Variants in PHIP observed in about 807,000 individuals in gnomAD.
PHIP encodes the protein PH-interacting protein.
A neutral mutation model predicts 236.8 loss-of-function variants in PHIP; 54 were observed. The observed-to-expected ratio is 0.23, with a 90% confidence interval of 0.18 to 0.29. The LOEUF is 0.29. Among genes scored for constraint, PHIP ranks in the 10% least tolerant of loss-of-function variants. The pLI is 1.00. For synonymous variants in PHIP, 756 were observed against 718.9 expected (o/e 1.05, Z -0.83); for missense variants, 1,370 against 2,190.8 (o/e 0.63, Z 7.48).
intron 16 of PHIP, 95 bp from the exon 17 acceptor site, chr6:79,002,219 G>A (rs2127731907): frequency 1.4e-6 from 1 of 735,744 alleles, no homozygotes; most frequent in East Asian, 2.7e-5. Context: ...GCAAACACCT[G>A]AATACGAATA....
intron 35 of PHIP, among the ~76,000 whole-genome samples, chr6:78,954,376 G>T (rs184141640): frequency 6.6e-5 from 10 of 152,210 alleles, no homozygotes; most frequent in Admixed American, 6.5e-4. Context: ...AAAGTGCTGG[G>T]ATTACTGGCA....
chr6:79,025,662 A>T (rs1383181445), intron 8 of PHIP, 43 bp from the exon 9 acceptor site: 1 of 1,228,812 alleles, frequency 8.1e-7, no homozygotes, highest in Non-Finnish European at 1.2e-6. Context: ...CAAGAGTGAC[A>T]CAGTCAAAAT....
chr6:79,026,793 C>A (rs1479880916), intron 7 of PHIP, among the ~76,000 whole-genome samples: 3 of 151,706 alleles, frequency 2.0e-5, no homozygotes, highest in Non-Finnish European at 2.9e-5. Flanking sequence ...TGAACATTCC[C>A]ATTTTATATA....
At chr6:78,962,686 C>A (rs555681440) in intron 30 of PHIP, among the ~76,000 whole-genome samples, 2 of 152,240 alleles carry the variant, frequency 1.3e-5, no homozygotes, top group East Asian at 3.9e-4. Flanking sequence ...CTCCTCTCCC[C>A]TTAAGAAGAT....
At position 78,946,308 on chromosome 6, in the gene PHIP, C is replaced by T. The variant is rs542459802; in HGVS notation, c.4371-48G>A. On this transcript the variant is annotated intron_variant, in intron 37 of 39. Coordinates refer to ENST00000275034, the MANE Select transcript of PHIP (RefSeq NM_017934.7). ...AGTCACTCTTATAGCTCTATGTGAA[C>T]GAATAAAACAGTTTATAATATTTTT... 1.3e-5 allele frequency: 20 copies of T among 1,519,824 alleles called. 1 individual carries two copies. The East Asian group carries it at 2.0e-4, about 16-fold the overall frequency. 94.1% of individuals were successfully genotyped at this position (1,519,824 alleles called of 1,614,324 possible).
chr6:79,011,263 T>G (rs1770559239), intron 15 of PHIP, among the ~76,000 whole-genome samples: 1 of 151,880 alleles, frequency 6.6e-6, no homozygotes, highest in South Asian at 2.1e-4. Context: ...ATACTCAAGT[T>G]ATGTAAGGAC....
chr6:78,983,922 TATTA>T (rs1226603578), intron 22 of PHIP, among the ~76,000 whole-genome samples: 3 of 152,182 alleles, frequency 2.0e-5, no homozygotes, highest in Non-Finnish European at 2.9e-5. Flanking sequence ...TTATCTTCTA[TATTA>T]ATTTTAGTAT....
chr6:78,960,216 T>C (rs1037276621), intron 31 of PHIP, among the ~76,000 whole-genome samples: 4 of 152,194 alleles, frequency 2.6e-5, no homozygotes, highest in Admixed American at 6.5e-5. Flanking sequence ...ACCTTATGTA[T>C]AGTATACTTT....
intron 35 of PHIP, among the ~76,000 whole-genome samples, chr6:78,953,603 G>A (rs1018193854): frequency 6.6e-6 from 1 of 152,098 alleles, no homozygotes; most frequent in Non-Finnish European, 1.5e-5. Flanking sequence ...TTATCACGCC[G>A]CTGGAATTAA....
At chr6:78,967,748 T>G (rs534191551) in intron 27 of PHIP, among the ~76,000 whole-genome samples, 2 of 152,334 alleles carry the variant, frequency 1.3e-5, no homozygotes, top group African/African-American at 4.8e-5. Flanking sequence ...CACATTACTT[T>G]GCCAAGGTTA....
At chr6:79,047,923 C>T (rs921496718) in intron 6 of PHIP, among the ~76,000 whole-genome samples, 2 of 151,552 alleles carry the variant, frequency 1.3e-5, no homozygotes, top group African/African-American at 4.8e-5. Flanking sequence ...CTATTTGTTC[C>T]AGCCTTTCCA....
At chr6:79,067,199 T>A (rs960386450) in intron 4 of PHIP, among the ~76,000 whole-genome samples, 2 of 152,194 alleles carry the variant, frequency 1.3e-5, no homozygotes, top group African/African-American at 2.4e-5. Flanking sequence ...CATCCCTTTT[T>A]GATGAACAAA....
chr6:78,994,163 A>G (rs1769455828), intron 19 of PHIP, among the ~76,000 whole-genome samples: 1 of 152,276 alleles, frequency 6.6e-6, no homozygotes, highest in South Asian at 2.1e-4. Flanking sequence ...CTGAAGTTGC[A>G]TAATAAAACT....
intron 24 of PHIP, among the ~76,000 whole-genome samples, chr6:78,974,622 C>A (rs1242895235): frequency 2.0e-5 from 3 of 152,190 alleles, no homozygotes; most frequent in African/African-American, 2.4e-5. Flanking sequence ...AATCGATAGA[C>A]CGCCAGCAAG....
chr6:78,935,607 A>C lies in PHIP; in HGVS notation c.*5086T>G. On this transcript the variant is annotated 3_prime_UTR_variant, in exon 40 of 40. Coordinates refer to ENST00000275034, the MANE Select transcript of PHIP (RefSeq NM_017934.7). ...TAAAATTGTTTTATTAAATGTACAC[A>C]TAAAAAGGCATATAAGTTTTTGACC... 4.1e-6 allele frequency: 4 copies of C among 979,162 alleles called. No homozygotes were observed. The highest frequency in any genetic ancestry group is 4.9e-6 in the Non-Finnish European group (4 of 824,182). 60.7% of individuals were successfully genotyped at this position (979,162 alleles called of 1,614,324 possible). A position where few individuals can be genotyped will look rare whatever the true frequency, so the allele number is the denominator to read the frequency against.
intron 31 of PHIP, among the ~76,000 whole-genome samples, 179 bp from the exon 32 acceptor site, chr6:78,958,779 G>A (rs769110425): frequency 1.2e-4 from 18 of 152,024 alleles, no homozygotes; most frequent in Non-Finnish European, 2.1e-4. Context: ...GAAAAAAAGA[G>A]GGGCAACCAT....
At position 79,078,186 on chromosome 6, in the gene PHIP, C is replaced by T. The variant is rs1241035159; in HGVS notation, c.-118G>A. 5.0e-6 allele frequency: 5 copies of T among 1,008,828 alleles called. No homozygotes were observed. The allele number at this position is 1,008,828 out of a possible 1,614,324, so 62.5% of individuals were successfully genotyped here. A position where few individuals can be genotyped will look rare whatever the true frequency, so the allele number is the denominator to read the frequency against. ...GTGTTCACGAGCCGAGCTTCGGCTC[C>T]ACCATTCAAGCAACGGCGGCGGAGG... On this transcript the variant is annotated 5_prime_UTR_variant, in exon 1 of 40. Transcript: ENST00000275034.
At chr6:79,064,089 T>A (rs192316883) in intron 4 of PHIP, among the ~76,000 whole-genome samples, 1 of 152,168 alleles carries the variant, frequency 6.6e-6, no homozygotes, top group Non-Finnish European at 1.5e-5. Flanking sequence ...TCTACACCTG[T>A]ACCAATTCTG....
chr6:79,050,453 G>A (rs1236667025), intron 6 of PHIP, among the ~76,000 whole-genome samples: 1 of 152,140 alleles, frequency 6.6e-6, no homozygotes, highest in Non-Finnish European at 1.5e-5. Flanking sequence ...CAGGCAGTCT[G>A]GTGCCAAAGA....
Sources: gnomAD v4.1 joint callset for allele counts (sites outside exome capture counted in the v4.1 genomes callset) on GRCh38, gnomAD v4.1.1 for gene constraint, MANE v1.5 for transcripts, NCBI Gene and HGNC (gene_info 2026-07-23, HGNC 2026-07-21) for gene names.